The following LRRC8C variants were observed in gnomAD, a reference collection of about 807,000 sequenced individuals.
LRRC8C encodes volume-regulated anion channel subunit LRRC8C.
Under a neutral mutation model 55.3 loss-of-function variants are expected in LRRC8C, and 20 were observed. That is an observed-to-expected ratio of 0.36 (90% CI 0.25 to 0.53). The LOEUF (loss-of-function observed/expected upper bound fraction) is 0.53, where lower values mean the gene tolerates loss of function less well. Ranked by LOEUF, LRRC8C falls within the 20% of genes least tolerant of loss-of-function variation. LRRC8C has a pLI of 0.92. For missense variants in LRRC8C, 659 were observed against 951.4 expected (o/e 0.69, Z 4.04); for synonymous variants, 376 against 360.7 (o/e 1.04, Z -0.48).
upstream of LRRC8C, among the ~76,000 whole-genome samples, chr1:89,629,272 T>C (rs188741874): frequency 6.6e-6 from 1 of 152,338 alleles, no homozygotes; most frequent in East Asian, 1.9e-4. Flanking sequence ...CAACAACGTT[T>C]TCTTTTAGCT....
chr1:89,693,275 A>G (rs1295832524), intron 2 of LRRC8C, among the ~76,000 whole-genome samples: 1 of 152,198 alleles, frequency 6.6e-6, no homozygotes, highest in East Asian at 1.9e-4. Context: ...TACTTCTCTG[A>G]TTTAGAGCCA....
chr1:89,699,322 T>C (rs1204651610), intron 2 of LRRC8C, among the ~76,000 whole-genome samples: 1 of 152,216 alleles, frequency 6.6e-6, no homozygotes, highest in Non-Finnish European at 1.5e-5. Flanking sequence ...GTTATACATT[T>C]GTCCAAATCT....
intron 2 of LRRC8C, among the ~76,000 whole-genome samples, chr1:89,687,989 T>C (rs932038340): frequency 1.3e-5 from 2 of 152,234 alleles, no homozygotes; most frequent in African/African-American, 2.4e-5. Flanking sequence ...TTTTAACAAA[T>C]GTCATCCTCA....
chr1:89,705,189 C>T (rs947040796), intron 2 of LRRC8C, among the ~76,000 whole-genome samples: 10 of 146,120 alleles, frequency 6.8e-5, no homozygotes, highest in East Asian at 6.1e-4. Context: ...AACCAAACAC[C>T]GCATATTCTC....
chr1:89,685,384 G>C lies in LRRC8C; in HGVS notation c.-4-1086G>C, dbSNP rs530811693. 2.1e-4 allele frequency among the ~76,000 whole-genome samples: 32 copies of C among 151,856 alleles called. No individual in the cohort carries two copies. In the East Asian group the frequency reaches 4.1e-3, roughly 19 times the overall value. The stretch of plus-strand genomic sequence containing the variant: ...CCCGCCTCGGCCTCCCAAAGTGCTG[G>C]GATTACAGGCGTGAGCCACCGCGCC... On this transcript the variant is annotated intron_variant, in intron 1 of 2. Transcript: ENST00000370454.
upstream of LRRC8C, among the ~76,000 whole-genome samples, chr1:89,632,415 G>C (rs1656131367): frequency 6.6e-6 from 1 of 152,152 alleles, no homozygotes; most frequent in Admixed American, 6.5e-5. Flanking sequence ...GGTGCAGTTG[G>C]GGATTCCGGC....
At chr1:89,709,638 G>A (rs977899847) in intron 2 of LRRC8C, among the ~76,000 whole-genome samples, 9 of 152,082 alleles carry the variant, frequency 5.9e-5, no homozygotes, top group African/African-American at 2.2e-4. Flanking sequence ...GCTTTGCAGG[G>A]ACTTAGCACC....
At chr1:89,679,329 G>A (rs1483471074) in intron 1 of LRRC8C, among the ~76,000 whole-genome samples, 1 of 152,134 alleles carries the variant, frequency 6.6e-6, no homozygotes, top group East Asian at 1.9e-4. Context: ...CAAGGTGGGT[G>A]GATCACTTGA....
chr1:89,663,426 C>T lies in LRRC8C; in HGVS notation c.-4-23044C>T, dbSNP rs181364421. 7.3e-4 allele frequency among the ~76,000 whole-genome samples: 111 copies of T among 152,068 alleles called. 1 individual carries two copies. The East Asian group carries it at 0.015, about 21-fold the overall frequency. The stretch of plus-strand genomic sequence containing the variant: ...TCTACTAAAAATACAAAAAATTAGC[C>T]GGGCTTGGTGGCCAGCACCTGTAGT... On this transcript the variant is annotated intron_variant, in intron 1 of 2. Coordinates refer to ENST00000370454, the MANE Select transcript of LRRC8C (RefSeq NM_032270.5).
chr1:89,659,599 T>C (rs1657058723), intron 1 of LRRC8C, among the ~76,000 whole-genome samples: 1 of 152,086 alleles, frequency 6.6e-6, no homozygotes. Context: ...CCTTTATACA[T>C]AAAGAGAACT....
At chr1:89,668,705 A>C (rs896665264) in intron 1 of LRRC8C, among the ~76,000 whole-genome samples, 1 of 152,200 alleles carries the variant, frequency 6.6e-6, no homozygotes, top group Non-Finnish European at 1.5e-5. Flanking sequence ...TGCCCTTCAC[A>C]GGCTTTCCAA....
At position 89,713,792 on chromosome 1, in the gene LRRC8C, G is replaced by A. The variant is rs763649002; in HGVS notation, c.1222G>A (p.Glu408Lys). The A allele has an allele frequency of 1.9e-6, 3 of 1,614,154 alleles. No individual in the cohort carries two copies. Among genetic ancestry groups the A allele is most frequent in the Admixed American group, 1.7e-5 (1 of 60,026 alleles). ...ATTAAAGCAGCTGAACTTAAATAAC[G>A]AATGGACTCCTGATAAACTGAGGCA... Reference protein sequence around the residue: ...NKLKQLNLNNEWTPDKLRQKL... With the variant: ...NKLKQLNLNNKWTPDKLRQKL... Residue 408 changes from glutamate to lysine, a missense_variant, in exon 3 of 3, where the codon GAA becomes AAA. Physicochemically the swap from Glu to Lys is moderately conservative, Grantham distance 56. Transcript: ENST00000370454. The surrounding 1 kb of genome is among the most constrained non-coding windows in gnomAD (Gnocchi z 5.2).
chr1:89,674,308 T>C (rs1657497948), intron 1 of LRRC8C, among the ~76,000 whole-genome samples: 1 of 152,180 alleles, frequency 6.6e-6, no homozygotes, highest in Non-Finnish European at 1.5e-5. Context: ...TAAAGAAACT[T>C]TTCATGCCCT....
chr1:89,675,525 G>A (rs1657526398), intron 1 of LRRC8C, among the ~76,000 whole-genome samples: 1 of 152,180 alleles, frequency 6.6e-6, no homozygotes, highest in Admixed American at 6.5e-5. Context: ...TGTTCAAGGG[G>A]TAAAACTGGA....
chr1:89,639,715 A>G (rs1656403455), intron 1 of LRRC8C, among the ~76,000 whole-genome samples: 1 of 152,262 alleles, frequency 6.6e-6, no homozygotes, highest in African/African-American at 2.4e-5. Context: ...CAGCACTTGC[A>G]AAGTGTCTGG....
chr1:89,651,275 A>G (rs1656767686), intron 1 of LRRC8C, among the ~76,000 whole-genome samples: 1 of 152,160 alleles, frequency 6.6e-6, no homozygotes, highest in Non-Finnish European at 1.5e-5. Flanking sequence ...TTTAAAAAGA[A>G]TATGCAACAT....
chr1:89,693,950 C>T (rs1658098282), intron 2 of LRRC8C, among the ~76,000 whole-genome samples: 1 of 152,016 alleles, frequency 6.6e-6, no homozygotes, highest in South Asian at 2.1e-4. Flanking sequence ...AGCTACTGCA[C>T]CGGCCCAGTT....
intron 2 of LRRC8C, among the ~76,000 whole-genome samples, chr1:89,693,247 C>A (rs1330131840): frequency 6.6e-6 from 1 of 152,160 alleles, no homozygotes; most frequent in Non-Finnish European, 1.5e-5. Context: ...ATTTTTAGGG[C>A]ATACTGAAAT....
At chr1:89,697,423 A>G (rs983622037) in intron 2 of LRRC8C, among the ~76,000 whole-genome samples, 4 of 152,180 alleles carry the variant, frequency 2.6e-5, no homozygotes, top group South Asian at 2.1e-4. Flanking sequence ...TCACAGATTT[A>G]TCAGTAAACT....
Sources: allele counts gnomAD v4.1 joint callset (sites outside exome capture counted in the v4.1 genomes callset), GRCh38; gene constraint gnomAD v4.1.1; non-coding constraint Gnocchi (gnomAD v3.1); transcripts MANE v1.5; gene names NCBI Gene and HGNC (gene_info 2026-07-23, HGNC 2026-07-21).